Variants in LRRC4C observed in about 807,000 individuals in gnomAD.
LRRC4C encodes the protein leucine-rich repeat-containing protein 4C.
LRRC4C carries 5 observed loss-of-function variants against 33.6 expected under a neutral mutation model. The ratio of observed to expected loss-of-function variants is 0.15; its 90% CI spans 0.08 to 0.31. The LOEUF is 0.31. Ranked by LOEUF, LRRC4C falls within the 10% of genes least tolerant of loss-of-function variation. LRRC4C has a pLI of 1.00. For synonymous variants in LRRC4C, 329 were observed against 302.0 expected (o/e 1.09, Z -0.93); for missense variants, 560 against 796.7 (o/e 0.70, Z 3.58).
intron 2 of LRRC4C, among the ~76,000 whole-genome samples, chr11:40,860,777 C>CTTTTTTTTTTT (rs60307580): frequency 2.3e-5 from 1 of 43,226 alleles, no homozygotes; most frequent in African/African-American, 8.9e-5. Context: ...GGCTTAGGAT[C>CTTTTTTTTTTT]TTTTTTTTTT....
At chr11:40,991,964 G>C (rs1349480911) in intron 1 of LRRC4C, among the ~76,000 whole-genome samples, 1 of 152,170 alleles carries the variant, frequency 6.6e-6, no homozygotes. Flanking sequence ...AACTGGTATA[G>C]GTCTATAGCC....
At chr11:40,963,335 A>G (rs889862148) in intron 1 of LRRC4C, among the ~76,000 whole-genome samples, 2 of 151,768 alleles carry the variant, frequency 1.3e-5, no homozygotes, top group Non-Finnish European at 2.9e-5. Flanking sequence ...CTGAGTATGT[A>G]CTGAGCTTTG....
intron 2 of LRRC4C, among the ~76,000 whole-genome samples, chr11:40,676,304 C>T (rs1944397810): frequency 6.6e-6 from 1 of 152,134 alleles, no homozygotes; most frequent in Non-Finnish European, 1.5e-5. Flanking sequence ...TGAATCAATA[C>T]TTGTCCAATC....
At chr11:40,747,908 C>A (rs1948502473) in intron 2 of LRRC4C, among the ~76,000 whole-genome samples, 1 of 152,014 alleles carries the variant, frequency 6.6e-6, no homozygotes, top group Admixed American at 6.6e-5. Flanking sequence ...ACATACAAAA[C>A]ATCATAAAGT....
chr11:40,450,872 C>T (rs192082638), intron 3 of LRRC4C, among the ~76,000 whole-genome samples: 2 of 150,882 alleles, frequency 1.3e-5, no homozygotes, highest in African/African-American at 2.4e-5. Context: ...TTTGGAAATT[C>T]GCAAACATGT....
chr11:40,513,147 G>T (rs1264326280), intron 3 of LRRC4C, among the ~76,000 whole-genome samples: 1 of 151,354 alleles, frequency 6.6e-6, no homozygotes, highest in Non-Finnish European at 1.5e-5. Context: ...TACTTGGGAG[G>T]CTGAGGCAGG....
At chr11:40,175,696 C>T (rs1219710788) in intron 5 of LRRC4C, among the ~76,000 whole-genome samples, 9 of 152,168 alleles carry the variant, frequency 5.9e-5, no homozygotes, top group African/African-American at 2.2e-4. Flanking sequence ...AATTCCAAAG[C>T]ACCACAGCCT....
chr11:40,670,830 C>T (rs1052600310), intron 2 of LRRC4C, among the ~76,000 whole-genome samples: 8 of 152,134 alleles, frequency 5.3e-5, no homozygotes, highest in Admixed American at 1.3e-4. Flanking sequence ...GTGACGCATC[C>T]TCGGCTCACT....
At chr11:40,402,572 A>G (rs1036174265) in intron 3 of LRRC4C, among the ~76,000 whole-genome samples, 9 of 152,124 alleles carry the variant, frequency 5.9e-5, no homozygotes, top group Non-Finnish European at 1.2e-4. Flanking sequence ...ACTTGGGCAA[A>G]TGCCAAATTA....
chr11:40,783,553 CCCA>C (rs201350269), intron 2 of LRRC4C, among the ~76,000 whole-genome samples: 3,951 of 152,098 alleles, frequency 0.026, 185 homozygotes, highest in African/African-American at 0.089. Context: ...AAGTGATCTA[CCCA>C]CCACCTCAGC....
At chr11:41,087,268 C>A (rs919090666) in intron 1 of LRRC4C, among the ~76,000 whole-genome samples, 11 of 152,104 alleles carry the variant, frequency 7.2e-5, no homozygotes, top group African/African-American at 2.7e-4. Flanking sequence ...AGTTTCTGAA[C>A]ATCTGGGCTA....
At chr11:40,599,413 A>G (rs921108190) in intron 3 of LRRC4C, among the ~76,000 whole-genome samples, 1 of 152,174 alleles carries the variant, frequency 6.6e-6, no homozygotes, top group Non-Finnish European at 1.5e-5. Context: ...GCACCACTGC[A>G]TTTCAGCCTG....
chr11:41,338,459 C>G (rs114665491), intron 1 of LRRC4C, among the ~76,000 whole-genome samples: 1 of 152,062 alleles, frequency 6.6e-6, no homozygotes, highest in Non-Finnish European at 1.5e-5. Flanking sequence ...AATCAAACCC[C>G]TCATGTTCTC....
At chr11:40,729,476 G>T (rs1388962372) in intron 2 of LRRC4C, among the ~76,000 whole-genome samples, 3 of 152,066 alleles carry the variant, frequency 2.0e-5, no homozygotes, top group Non-Finnish European at 2.9e-5. Flanking sequence ...CATCATGCCA[G>T]CTTCAGGTCC....
At chr11:40,708,473 C>A (rs1022376151) in intron 2 of LRRC4C, among the ~76,000 whole-genome samples, 1 of 152,102 alleles carries the variant, frequency 6.6e-6, no homozygotes, top group East Asian at 1.9e-4. Context: ...GTTAGGTACC[C>A]AGTAGTCATT....
chr11:41,140,979 C>G lies in LRRC4C; in HGVS notation c.-495-207256G>C, dbSNP rs570178275. Among the ~76,000 whole-genome samples, 15 of 151,886 alleles carry G rather than the reference C, an allele frequency of 9.9e-5. No individual in the cohort carries two copies. The East Asian group carries it at 2.7e-3, about 27-fold the overall frequency. ...TCCTGGAAATAATACATATTTTTAC[C>G]TTTTATACAACGGGAGTAAGAAGAG... On this transcript the variant is annotated intron_variant, in intron 1 of 6. Coordinates refer to ENST00000528697, the MANE Select transcript of LRRC4C (RefSeq NM_001258419.2).
intron 2 of LRRC4C, among the ~76,000 whole-genome samples, chr11:40,914,274 T>C (rs551948979): frequency 7.9e-5 from 12 of 152,178 alleles, no homozygotes; most frequent in Non-Finnish European, 1.8e-4. Flanking sequence ...ATATCCCTGA[T>C]GAACATTAAT....
intron 4 of LRRC4C, among the ~76,000 whole-genome samples, chr11:40,273,952 C>G (rs1728379796): frequency 6.6e-6 from 1 of 151,880 alleles, no homozygotes; most frequent in Non-Finnish European, 1.5e-5. Flanking sequence ...GTCTATTTTC[C>G]CCACGAGGTA....
chr11:40,389,153 A>G (rs557008195), intron 3 of LRRC4C, among the ~76,000 whole-genome samples: 28 of 152,286 alleles, frequency 1.8e-4, no homozygotes, highest in South Asian at 1.0e-3. Context: ...GGAGAATTTG[A>G]AGCTGCAGGA....
Sources: allele counts gnomAD v4.1 joint callset (sites outside exome capture counted in the v4.1 genomes callset), GRCh38; gene constraint gnomAD v4.1.1; transcripts MANE v1.5; gene names NCBI Gene and HGNC (gene_info 2026-07-23, HGNC 2026-07-21).